Variants in ENAH observed in about 807,000 individuals in gnomAD.
The protein encoded by ENAH is protein enabled homolog.
ENAH carries 23 observed loss-of-function variants against 78.7 expected under a neutral mutation model. The ratio of observed to expected loss-of-function variants is 0.29; its 90% CI spans 0.21 to 0.41. The LOEUF is 0.41. ENAH is among the 10% of genes least tolerant of loss of function. The pLI is 1.00. For missense variants in ENAH, 544 were observed against 691.0 expected (o/e 0.79, Z 2.39); for synonymous variants, 226 against 241.0 (o/e 0.94, Z 0.58).
Position 225,652,804 on chromosome 1 carries a change from T to G in ENAH, c.-114A>C, listed in dbSNP as rs994885062. 5 of 887,074 alleles carry G rather than the reference T, an allele frequency of 5.6e-6. No individual in the cohort carries two copies. In the African/African-American group the frequency reaches 8.7e-5, roughly 15 times the overall value. 55.0% of individuals were successfully genotyped at this position (887,074 alleles called of 1,614,324 possible). ...GCAGCTCGGAGACGGGAGACAAGTG[T>G]CCGGCTCCTCCTTCGGCGGCCAGGG... On this transcript the variant is annotated 5_prime_UTR_variant, in exon 1 of 14. Coordinates refer to ENST00000366843, the MANE Select transcript of ENAH (RefSeq NM_018212.6).
rs1459435337 is a variant in ENAH at position 225,489,028 on chromosome 1, A to C, written c.*8747T>G. 1.3e-5 allele frequency: 2 copies of C among 152,230 alleles called. No homozygotes were observed. Among genetic ancestry groups the C allele is most frequent in the Non-Finnish European group, 2.9e-5 (2 of 68,046 alleles). The allele number at this position is 152,230 out of a possible 1,614,324, so 9.4% of individuals were successfully genotyped here. ...TAAGATTATTCCTTTTTTCCTTTCA[A>C]GGCTGACAGTGATAGAATAAACAGC... On this transcript the variant is annotated 3_prime_UTR_variant, in exon 14 of 14. Transcript: ENST00000366843.
At chr1:225,520,626 G>C (rs1337051684) in intron 4 of ENAH, among the ~76,000 whole-genome samples, 1 of 152,150 alleles carries the variant, frequency 6.6e-6, no homozygotes, top group Non-Finnish European at 1.5e-5. Context: ...GGGAGGCTGA[G>C]TGGGAGGATT....
At chr1:225,611,484 A>G (rs1343530134) in intron 1 of ENAH, among the ~76,000 whole-genome samples, 3 of 151,984 alleles carry the variant, frequency 2.0e-5, no homozygotes, top group Non-Finnish European at 4.4e-5. Flanking sequence ...ACGCCCAGCT[A>G]ATTTTTATAT....
chr1:225,528,144 T>C (rs1454274072), intron 4 of ENAH, among the ~76,000 whole-genome samples: 2 of 152,218 alleles, frequency 1.3e-5, no homozygotes, highest in Non-Finnish European at 2.9e-5. Flanking sequence ...AGAAATTTTA[T>C]TGAGGTTTCT....
At chr1:225,605,129 C>T (rs1410203364) in intron 1 of ENAH, among the ~76,000 whole-genome samples, 3 of 152,116 alleles carry the variant, frequency 2.0e-5, no homozygotes, top group Non-Finnish European at 2.9e-5. Flanking sequence ...TTCTGACAAG[C>T]GACTGGGTAA....
chr1:225,585,267 A>G (rs496385), intron 1 of ENAH, among the ~76,000 whole-genome samples: 2 of 149,494 alleles, frequency 1.3e-5, no homozygotes, highest in Non-Finnish European at 3.0e-5. Flanking sequence ...AGAAAAAGAC[A>G]TTTTCACAGT....
In ENAH at chr1:225,652,919, G is replaced by A; in HGVS notation, c.-229C>T. 2.6e-6 allele frequency: 1 copy of A among 390,484 alleles called. No homozygotes were observed. The highest frequency in any genetic ancestry group is 1.4e-4 in the South Asian group (1 of 7,094). The allele number at this position is 390,484 out of a possible 1,614,324, so 24.2% of individuals were successfully genotyped here. A position where few individuals can be genotyped will look rare whatever the true frequency, so the allele number is the denominator to read the frequency against. On this transcript the variant is annotated 5_prime_UTR_variant, in exon 1 of 14. Coordinates refer to ENST00000366843, the MANE Select transcript of ENAH (RefSeq NM_018212.6). ...GAAAGGCTGGGGAGGGGGCGGAGAG[G>A]CCGAGGCGCGGAGCTGGTCCCCAGG...
chr1:225,526,856 T>C (rs1309219720), intron 4 of ENAH, among the ~76,000 whole-genome samples: 1 of 152,244 alleles, frequency 6.6e-6, no homozygotes, highest in Non-Finnish European at 1.5e-5. Flanking sequence ...TTTGTTTTGG[T>C]CCTTCTTTTA....
chr1:225,623,587 G>GTTTT (rs10600222), intron 1 of ENAH, among the ~76,000 whole-genome samples: 1 of 137,580 alleles, frequency 7.3e-6, no homozygotes, highest in Non-Finnish European at 1.6e-5. Flanking sequence ...TTTTTGTTGG[G>GTTTT]TTTTTTTTTT....
rs144627162 is a variant in ENAH, at chr1:225,538,118, C to T, written c.350-7480G>A. 6.6e-5 allele frequency among the ~76,000 whole-genome samples: 10 copies of T among 152,288 alleles called. No individual in the cohort carries two copies. The East Asian group carries it at 1.7e-3, about 26-fold the overall frequency. ...ATTCTCTGGAAGGCTGGTCAGTTGA[C>T]TGGGTGAGTGATCACAACATCAGCA... On this transcript the variant is annotated intron_variant, in intron 3 of 13. Coordinates refer to ENST00000366843, the MANE Select transcript of ENAH (RefSeq NM_018212.6).
chr1:225,644,735 T>A (rs897918984), intron 1 of ENAH, among the ~76,000 whole-genome samples: 1 of 152,224 alleles, frequency 6.6e-6, no homozygotes, highest in Non-Finnish European at 1.5e-5. Flanking sequence ...TCATTTTGAT[T>A]TCACATCATC....
In ENAH at chr1:225,487,051, C is replaced by T. The variant is rs1323663030; in HGVS notation, c.*10724G>A. 1 of 152,642 alleles carries T rather than the reference C, an allele frequency of 6.6e-6. No individual in the cohort carries two copies. The highest frequency in any genetic ancestry group is 2.4e-5 in the African/African-American group (1 of 41,456). 9.5% of individuals were successfully genotyped at this position (152,642 alleles called of 1,614,324 possible). On this transcript the variant is annotated 3_prime_UTR_variant, in exon 14 of 14. Coordinates refer to ENST00000366843, the MANE Select transcript of ENAH (RefSeq NM_018212.6). ...GACTTCAGCAGGTCCACTGATCCAC[C>T]ACAGTGACAGGGCCAGGCCCCTTCC...
At chr1:225,588,844 T>C (rs2096861080) in intron 1 of ENAH, among the ~76,000 whole-genome samples, 1 of 149,984 alleles carries the variant, frequency 6.7e-6, no homozygotes, top group Non-Finnish European at 1.5e-5. Context: ...CTTGGCAGTT[T>C]CTTACAGAAT....
chr1:225,549,502 A>G (rs921435812), intron 3 of ENAH, among the ~76,000 whole-genome samples: 2 of 152,154 alleles, frequency 1.3e-5, no homozygotes, highest in Non-Finnish European at 2.9e-5. Context: ...AAAGAGGTTG[A>G]GTTCTAAGAC....
chr1:225,648,728 A>G (rs1222069635), intron 1 of ENAH, among the ~76,000 whole-genome samples: 1 of 151,884 alleles, frequency 6.6e-6, no homozygotes, highest in Admixed American at 6.6e-5. Flanking sequence ...ACACTTCACA[A>G]AACAATCCTG....
At chr1:225,588,159 T>G (rs571714) in intron 1 of ENAH, among the ~76,000 whole-genome samples, 2 of 152,110 alleles carry the variant, frequency 1.3e-5, no homozygotes, top group East Asian at 3.9e-4. Flanking sequence ...TATAAATTTT[T>G]TCTCAATAAA....
chr1:225,511,913 T>C, intron 9 of ENAH, 54 bp from the exon 10 acceptor site: 2 of 1,230,384 alleles, frequency 1.6e-6, no homozygotes, highest in Admixed American at 2.0e-5. Context: ...TGTTGCTATA[T>C]ACATTTAGTG....
At chr1:225,556,671 A>C (rs1055389085) in intron 2 of ENAH, among the ~76,000 whole-genome samples, 1 of 152,122 alleles carries the variant, frequency 6.6e-6, no homozygotes, top group Non-Finnish European at 1.5e-5. Flanking sequence ...GATGGATGTA[A>C]GTTCTTCACT....
At chr1:225,598,036 T>C (rs2096911149) in intron 1 of ENAH, among the ~76,000 whole-genome samples, 1 of 152,108 alleles carries the variant, frequency 6.6e-6, no homozygotes, top group Admixed American at 6.5e-5. Context: ...TCTTCACTCC[T>C]TTTTTAAGGT....
Sources: gnomAD v4.1 joint callset for allele counts (sites outside exome capture counted in the v4.1 genomes callset) on GRCh38, gnomAD v4.1.1 for gene constraint, MANE v1.5 for transcripts, NCBI Gene and HGNC (gene_info 2026-07-23, HGNC 2026-07-21) for gene names.